SLC6A11: variants seen among roughly 807,000 people sequenced by gnomAD.
SLC6A11 encodes solute carrier family 6 member 11, also known as sodium- and chloride-dependent GABA transporter 3.
A neutral mutation model predicts 74.8 loss-of-function variants in SLC6A11; 25 were observed. The ratio of observed to expected loss-of-function variants is 0.33; its 90% CI spans 0.24 to 0.47. The LOEUF is 0.47. Ranked by LOEUF, SLC6A11 falls within the 20% of genes least tolerant of loss-of-function variation. The pLI is 1.00. For missense variants in SLC6A11, 574 were observed against 837.0 expected (o/e 0.69, Z 3.88); for synonymous variants, 330 against 330.2 (o/e 1.00, Z 0.01).
At chr3:10,933,320 A>C (rs1358037510) in intron 11 of SLC6A11, 67 bp downstream of exon 11, 2 of 1,102,256 alleles carry the variant, frequency 1.8e-6, no homozygotes, top group Non-Finnish European at 2.8e-6. Flanking sequence ...TGGTGCTTGG[A>C]CTCTGGTTGG....
chr3:10,889,259 A>G (rs73812313), intron 6 of SLC6A11, among the ~76,000 whole-genome samples: 2,219 of 152,210 alleles, frequency 0.015, 47 homozygotes, highest in African/African-American at 0.051. Flanking sequence ...CAAGGGGCCA[A>G]TATTGATTTA....
intron 6 of SLC6A11, among the ~76,000 whole-genome samples, chr3:10,892,008 C>T (rs955109581): frequency 6.6e-6 from 1 of 152,272 alleles, no homozygotes; most frequent in African/African-American, 2.4e-5. Context: ...TGACTGGTTC[C>T]TGCAGCTCCT....
At chr3:10,836,649 T>C (rs948702722) in intron 4 of SLC6A11, among the ~76,000 whole-genome samples, 1 of 152,252 alleles carries the variant, frequency 6.6e-6, no homozygotes, top group African/African-American at 2.4e-5. Context: ...TGTACAAATG[T>C]ATTTGTTTCA....
In SLC6A11 at chr3:10,847,496, G is replaced by A. The variant is rs73814458; in HGVS notation, c.756+3150G>A. Among the ~76,000 whole-genome samples, 1,044 of 152,256 alleles carry A rather than the reference G, an allele frequency of 6.9e-3. 10 individuals are homozygous for A. Among genetic ancestry groups the A allele is most frequent in the African/African-American group, 0.024 (993 of 41,534 alleles). On this transcript the variant is annotated intron_variant, in intron 5 of 13. Coordinates refer to ENST00000254488, the MANE Select transcript of SLC6A11 (RefSeq NM_014229.3). ...AGCATTAGTGTCTTGGATGGGATGC[G>A]GTTTGCTGGAGCTGTAAAAATCCTT... is the stretch of plus-strand genomic sequence containing the variant.
chr3:10,939,033 A>G lies in SLC6A11; in HGVS notation c.*631A>G, dbSNP rs1268982127. The stretch of plus-strand genomic sequence containing the variant: ...GGGCCTCAGTTTCCCCATCTCCCAA[A>G]TGGGAGGAGGAGCCGGATTGGGTTA... On this transcript the variant is annotated 3_prime_UTR_variant, in exon 14 of 14. Coordinates refer to ENST00000254488, the MANE Select transcript of SLC6A11 (RefSeq NM_014229.3). 6.6e-6 allele frequency: 1 copy of G among 152,132 alleles called. No individual in the cohort carries two copies. Among genetic ancestry groups the G allele is most frequent in the African/African-American group, 2.4e-5 (1 of 41,376 alleles). The allele number at this position is 152,132 out of a possible 1,614,324, so 9.4% of individuals were successfully genotyped here.
intron 13 of SLC6A11, among the ~76,000 whole-genome samples, chr3:10,936,648 G>A (rs1197405786): frequency 1.3e-5 from 2 of 152,228 alleles, no homozygotes; most frequent in African/African-American, 4.8e-5. Context: ...AGGCTCCTTG[G>A]AGCCTGCAGG....
intron 6 of SLC6A11, among the ~76,000 whole-genome samples, chr3:10,878,672 C>T (rs1175600601): frequency 6.6e-6 from 1 of 151,758 alleles, no homozygotes; most frequent in Non-Finnish European, 1.5e-5. Context: ...CTTGGCCTCC[C>T]AAAGTGCTGG....
At chr3:10,882,994 T>G (rs999504078) in intron 6 of SLC6A11, among the ~76,000 whole-genome samples, 1 of 149,584 alleles carries the variant, frequency 6.7e-6, no homozygotes, top group African/African-American at 2.4e-5. Context: ...TCCTCATTTT[T>G]GCCTCCACCT....
At chr3:10,919,762 C>G (rs574191271) in intron 8 of SLC6A11, among the ~76,000 whole-genome samples, 3 of 152,206 alleles carry the variant, frequency 2.0e-5, no homozygotes, top group Non-Finnish European at 4.4e-5. Context: ...GGAACTGTTA[C>G]ACACATCATC....
At chr3:10,873,452 ATGG>A (rs1694856958) in intron 5 of SLC6A11, among the ~76,000 whole-genome samples, 1 of 138,922 alleles carries the variant, frequency 7.2e-6, no homozygotes, top group African/African-American at 2.7e-5. Context: ...ATCCTATCCT[ATGG>A]CATGCTATCC....
intron 6 of SLC6A11, among the ~76,000 whole-genome samples, chr3:10,910,307 G>A (rs1695369598): frequency 6.6e-6 from 1 of 152,200 alleles, no homozygotes; most frequent in African/African-American, 2.4e-5. Flanking sequence ...GTTCTGAAGA[G>A]GGAGGAGATA....
intron 6 of SLC6A11, among the ~76,000 whole-genome samples, chr3:10,907,816 A>C (rs181534437): frequency 5.0e-4 from 76 of 152,352 alleles, no homozygotes; most frequent in Non-Finnish European, 9.7e-4. Flanking sequence ...TATTCTAAAC[A>C]TGCAAGAACT....
intron 5 of SLC6A11, among the ~76,000 whole-genome samples, chr3:10,874,647 G>T (rs966030): frequency 0.15 from 22,328 of 152,094 alleles, 2,304 homozygotes; most frequent in African/African-American, 0.29. Context: ...TACTGAAACT[G>T]TATACCTCCT....
Position 10,938,481 on chromosome 3 carries a change from C to T in SLC6A11, c.*79C>T. On this transcript the variant is annotated 3_prime_UTR_variant, in exon 14 of 14. Coordinates refer to ENST00000254488, the MANE Select transcript of SLC6A11 (RefSeq NM_014229.3). ...ATGAATTCCTGAACCCCATACTTCA[C>T]CTAATGGTAGGGGCTTGCTTGTTTT... The T allele has an allele frequency of 7.0e-7, 1 of 1,427,406 alleles. No homozygotes were observed. Among genetic ancestry groups the T allele is most frequent in the South Asian group, 1.4e-5 (1 of 72,040 alleles). 88.4% of individuals were successfully genotyped at this position (1,427,406 alleles called of 1,614,324 possible). A position where few individuals can be genotyped will look rare whatever the true frequency, so the allele number is the denominator to read the frequency against.
intron 6 of SLC6A11, among the ~76,000 whole-genome samples, chr3:10,879,457 G>A (rs905196300): frequency 6.6e-6 from 1 of 152,126 alleles, no homozygotes; most frequent in Non-Finnish European, 1.5e-5. Flanking sequence ...GAAGCAAGAA[G>A]CACTGGTTTC....
intron 13 of SLC6A11, 101 bp downstream of exon 13, chr3:10,935,300 T>C (rs1695747086): frequency 2.8e-6 from 3 of 1,067,826 alleles, no homozygotes; most frequent in Non-Finnish European, 4.2e-6. Context: ...TGCGCCCACC[T>C]GCCTCAAGGG....
chr3:10,863,762 C>CTT (rs1694731448), intron 5 of SLC6A11, among the ~76,000 whole-genome samples: 1 of 152,054 alleles, frequency 6.6e-6, no homozygotes, highest in Non-Finnish European at 1.5e-5. Flanking sequence ...GACATGAAAG[C>CTT]AAAGGTTTGC....
intron 4 of SLC6A11, among the ~76,000 whole-genome samples, chr3:10,833,856 G>GC: frequency 6.6e-6 from 1 of 152,182 alleles, no homozygotes; most frequent in Non-Finnish European, 1.5e-5. Flanking sequence ...TAGCCAGACG[G>GC]GTATTTGTAT....
intron 5 of SLC6A11, among the ~76,000 whole-genome samples, chr3:10,849,556 A>C (rs1431583089): frequency 6.6e-6 from 1 of 152,242 alleles, no homozygotes; most frequent in Non-Finnish European, 1.5e-5. Context: ...CATATTCAAG[A>C]AACATTGAAC....
Sources: allele counts gnomAD v4.1 joint callset (sites outside exome capture counted in the v4.1 genomes callset), GRCh38; gene constraint gnomAD v4.1.1; transcripts MANE v1.5; gene names NCBI Gene and HGNC (gene_info 2026-07-23, HGNC 2026-07-21).